Variants in HYDIN observed in about 807,000 individuals in gnomAD.
The protein encoded by HYDIN is axonemal central pair apparatus protein HYDIN.
In HYDIN, 132 loss-of-function variants were observed where a neutral mutation model predicts 403.9. The ratio of observed to expected loss-of-function variants is 0.33; its 90% CI spans 0.28 to 0.38. The LOEUF (loss-of-function observed/expected upper bound fraction) is 0.38, where lower values mean the gene tolerates loss of function less well. Among genes scored for constraint, HYDIN ranks in the 10% least tolerant of loss-of-function variants. The pLI, the probability that HYDIN is intolerant of heterozygous loss-of-function variation, is 1.00. For missense variants in HYDIN, 2,827 were observed against 5,009.5 expected (o/e 0.56, Z 13.15); for synonymous variants, 1,202 against 1,891.7 (o/e 0.64, Z 9.46).
At position 71,116,909 on chromosome 16, in the gene HYDIN, A is replaced by C. The variant is rs531410134; in HGVS notation, c.1228-1114T>G. On this transcript the variant is annotated intron_variant, in intron 9 of 85. Coordinates refer to ENST00000393567, the MANE Select transcript of HYDIN (RefSeq NM_001270974.2). Reference sequence around the variant, plus strand: ...TTCACTGTTTGCCCAATGTGTTCCCAGTACCGGGGCTTCAGAGAAGCAGAA... The same window carrying C: ...TTCACTGTTTGCCCAATGTGTTCCCCGTACCGGGGCTTCAGAGAAGCAGAA... Among the ~76,000 whole-genome samples, 357 of 152,294 alleles carry C rather than the reference A, an allele frequency of 2.3e-3. 3 individuals carry two copies. The Middle Eastern group carries it at 0.034, about 15-fold the overall frequency.
intron 23 of HYDIN, among the ~76,000 whole-genome samples, chr16:71,004,287 C>T (rs138360982): frequency 6.7e-6 from 1 of 149,228 alleles, no homozygotes; most frequent in Non-Finnish European, 1.5e-5. Flanking sequence ...GCACTCCATC[C>T]TGGGCAACAA....
intron 31 of HYDIN, 117 bp from the exon 32 acceptor site, chr16:70,974,787 T>C: frequency 1.5e-6 from 1 of 684,760 alleles, no homozygotes; most frequent in Non-Finnish European, 2.5e-6. Flanking sequence ...TTCTCCAGAG[T>C]GGAGAACAAC....
At chr16:71,145,780 C>T (rs2085344933) in intron 7 of HYDIN, among the ~76,000 whole-genome samples, 1 of 152,070 alleles carries the variant, frequency 6.6e-6, no homozygotes, top group Non-Finnish European at 1.5e-5. Flanking sequence ...GAACACTGCC[C>T]AGGAGGTAAG....
intron 23 of HYDIN, among the ~76,000 whole-genome samples, chr16:71,011,092 G>A (rs1312449645): frequency 1.3e-5 from 2 of 152,146 alleles, no homozygotes; most frequent in African/African-American, 2.4e-5. Context: ...AGGAGGACCC[G>A]TAGGAGGACC....
chr16:71,076,446 G>A (rs924695951), intron 13 of HYDIN, among the ~76,000 whole-genome samples: 1 of 116,718 alleles, frequency 8.6e-6, no homozygotes, highest in East Asian at 3.3e-4. Context: ...GGAAATGGGC[G>A]CCACAGGTAA....
intron 1 of HYDIN, among the ~76,000 whole-genome samples, chr16:71,209,605 T>C (rs1030610927): frequency 6.6e-6 from 1 of 152,172 alleles, no homozygotes; most frequent in African/African-American, 2.4e-5. Context: ...TATCCCTGTT[T>C]GCAGATGACA....
At chr16:71,031,080 G>C (rs1412946030) in intron 19 of HYDIN, among the ~76,000 whole-genome samples, 1 of 149,700 alleles carries the variant, frequency 6.7e-6, no homozygotes, top group Non-Finnish European at 1.5e-5. Flanking sequence ...GGCACCTGTA[G>C]TCCCAGCTAC....
chr16:71,204,723 T>C (rs2088201876), intron 1 of HYDIN, among the ~76,000 whole-genome samples: 1 of 152,174 alleles, frequency 6.6e-6, no homozygotes, highest in Non-Finnish European at 1.5e-5. Flanking sequence ...CGTTGGTAAA[T>C]ATTGAGAGGA....
At chr16:70,979,441 T>C (rs2078979928) in intron 29 of HYDIN, among the ~76,000 whole-genome samples, 1 of 152,064 alleles carries the variant, frequency 6.6e-6, no homozygotes, top group Non-Finnish European at 1.5e-5. Flanking sequence ...ACCCTTTAAG[T>C]CACTTTTTAT....
intron 25 of HYDIN, among the ~76,000 whole-genome samples, chr16:70,989,585 AAT>A (rs1163995895): frequency 6.6e-6 from 1 of 152,176 alleles, no homozygotes; most frequent in Admixed American, 6.5e-5. Context: ...CAGTTGACCT[AAT>A]ATGAGTGCCA....
rs534743283 is a variant in HYDIN at position 71,133,945 on chromosome 16, C to T, written c.1043+3206G>A. ...ATTTAAAGTACAGAACTTCTTCCCA[C>T]GGGGAGGAACGTCATTGCCCAAGTG... On this transcript the variant is annotated intron_variant, in intron 8 of 85. Transcript: ENST00000393567. 2.1e-4 allele frequency among the ~76,000 whole-genome samples: 32 copies of T among 152,252 alleles called. 1 individual carries two copies. The South Asian group carries it at 5.0e-3, about 24-fold the overall frequency.
intron 47 of HYDIN, among the ~76,000 whole-genome samples, chr16:70,916,561 T>C (rs1393688023): frequency 6.6e-6 from 1 of 152,134 alleles, no homozygotes; most frequent in East Asian, 1.9e-4. Flanking sequence ...CCCTTCAGGT[T>C]TCTTGATTTA....
At chr16:70,812,897 G>A (rs1163148710) in intron 84 of HYDIN, among the ~76,000 whole-genome samples, 1 of 152,322 alleles carries the variant, frequency 6.6e-6, no homozygotes, top group East Asian at 1.9e-4. Flanking sequence ...CTGGTATATG[G>A]CAGAAAAGAT....
intron 29 of HYDIN, among the ~76,000 whole-genome samples, chr16:70,980,150 G>T (rs1015514183): frequency 6.7e-6 from 1 of 150,040 alleles, no homozygotes; most frequent in South Asian, 2.2e-4. Flanking sequence ...TGTAGAGCTG[G>T]AGTAACCCTC....
chr16:71,217,779 G>A (rs1314675045), intron 1 of HYDIN, among the ~76,000 whole-genome samples: 4 of 152,252 alleles, frequency 2.6e-5, no homozygotes, highest in Non-Finnish European at 5.9e-5. Flanking sequence ...CATTTCCAAG[G>A]TTTCATCTGC....
chr16:70,899,041 G>A (rs1362332408), intron 53 of HYDIN, among the ~76,000 whole-genome samples: 2 of 151,592 alleles, frequency 1.3e-5, no homozygotes, highest in Non-Finnish European at 3.0e-5. Flanking sequence ...AAAATGATGG[G>A]ATTACAGGCG....
At chr16:71,145,398 G>T (rs2085329228) in intron 7 of HYDIN, among the ~76,000 whole-genome samples, 1 of 152,104 alleles carries the variant, frequency 6.6e-6, no homozygotes, top group Non-Finnish European at 1.5e-5. Context: ...GGGATTACAG[G>T]CACACGCCAT....
chr16:71,082,019 TATA>T, intron 12 of HYDIN, among the ~76,000 whole-genome samples: 1 of 145,714 alleles, frequency 6.9e-6, no homozygotes, highest in Middle Eastern at 3.4e-3. Context: ...AGAGTGAAAG[TATA>T]ATATTTGTTA....
At chr16:70,928,052 G>T (rs1399413226) in intron 45 of HYDIN, among the ~76,000 whole-genome samples, 1 of 151,926 alleles carries the variant, frequency 6.6e-6, no homozygotes, top group Admixed American at 6.6e-5. Flanking sequence ...AGAGTGTTTA[G>T]GAGGGTGCTG....
Sources: allele counts gnomAD v4.1 joint callset (sites outside exome capture counted in the v4.1 genomes callset), GRCh38; gene constraint gnomAD v4.1.1; transcripts MANE v1.5; gene names NCBI Gene and HGNC (gene_info 2026-07-23, HGNC 2026-07-21).